FGF14: variants seen among roughly 807,000 people sequenced by gnomAD.
FGF14 encodes the protein fibroblast growth factor 14.
In FGF14, 5 loss-of-function variants were observed where a neutral mutation model predicts 25.5. That is an observed-to-expected ratio of 0.20 (90% CI 0.10 to 0.41). The LOEUF (loss-of-function observed/expected upper bound fraction) is 0.41, where lower values mean the gene tolerates loss of function less well. Among genes scored for constraint, FGF14 ranks in the 10% least tolerant of loss-of-function variants. The pLI, the probability that FGF14 is intolerant of heterozygous loss-of-function variation, is 1.00. For synonymous variants in FGF14, 138 were observed against 118.3 expected (o/e 1.17, Z -1.08); for missense variants, 222 against 320.1 (o/e 0.69, Z 2.34).
rs187611246 is a variant in FGF14, at chr13:102,004,915, G to C, written c.209-129619C>G. On this transcript the variant is annotated intron_variant, in intron 1 of 4. Transcript: ENST00000376131. Reference sequence around the variant, plus strand: ...GCGTCCCCTTCTGATATGACTGTAAGTTTCCTGAGGCCTCCCCAGTCCTGT... The same window carrying C: ...GCGTCCCCTTCTGATATGACTGTAACTTTCCTGAGGCCTCCCCAGTCCTGT... Among the ~76,000 whole-genome samples the C allele has an allele frequency of 8.5e-5, 13 of 152,230 alleles. No individual in the cohort carries two copies. The East Asian group carries it at 2.5e-3, about 29-fold the overall frequency.
intron 1 of FGF14, among the ~76,000 whole-genome samples, chr13:102,111,187 T>TC (rs1258500601): frequency 6.6e-6 from 1 of 152,078 alleles, no homozygotes; most frequent in Non-Finnish European, 1.5e-5. Context: ...TCACCACCTC[T>TC]CATCTATACA....
At chr13:102,259,480 C>G (rs2052611380) in intron 1 of FGF14, among the ~76,000 whole-genome samples, 1 of 152,176 alleles carries the variant, frequency 6.6e-6, no homozygotes, top group South Asian at 2.1e-4. Context: ...TCTCCAGTCC[C>G]TGTTAGGAGA....
At chr13:101,746,238 C>T (rs1451636690) in intron 3 of FGF14, among the ~76,000 whole-genome samples, 1 of 151,892 alleles carries the variant, frequency 6.6e-6, no homozygotes, top group Non-Finnish European at 1.5e-5. Context: ...CACTAATTCA[C>T]AACTATTCAG....
At chr13:102,236,922 C>A (rs1594528328) in intron 1 of FGF14, among the ~76,000 whole-genome samples, 1 of 152,176 alleles carries the variant, frequency 6.6e-6, no homozygotes, top group Middle Eastern at 3.4e-3. Flanking sequence ...GGCCTCCCAG[C>A]AGGAGGGGAC....
At chr13:102,079,185 C>T (rs542056557) in intron 1 of FGF14, among the ~76,000 whole-genome samples, 48 of 152,154 alleles carry the variant, frequency 3.2e-4, no homozygotes, top group Admixed American at 2.4e-3. Context: ...CACACAGGAT[C>T]TCTGCCACTG....
At chr13:102,306,225 A>G (rs1445775003) in intron 1 of FGF14, among the ~76,000 whole-genome samples, 1 of 152,188 alleles carries the variant, frequency 6.6e-6, no homozygotes, top group Non-Finnish European at 1.5e-5. Context: ...TCTAATCAGT[A>G]CACTGGAATA....
chr13:101,990,660 T>C lies in FGF14; in HGVS notation c.209-115364A>G, dbSNP rs2038851870. Among the ~76,000 whole-genome samples the C allele has an allele frequency of 2.0e-5, 3 of 152,096 alleles. No individual in the cohort carries two copies. The South Asian group carries it at 6.2e-4, about 32-fold the overall frequency. The stretch of plus-strand genomic sequence containing the variant: ...CTTTGGGGTGGCTCATGCACAGGCC[T>C]GGGCAGCAGGCTCTCTATGCACAGG... On this transcript the variant is annotated intron_variant, in intron 1 of 4. Coordinates refer to the FGF14 transcript ENST00000376131.
intron 1 of FGF14, among the ~76,000 whole-genome samples, chr13:102,136,959 T>C (rs76269028): frequency 0.013 from 2,055 of 152,290 alleles, 82 homozygotes; most frequent in East Asian, 0.12. Context: ...TTAGATTACT[T>C]AGTCGAACAA....
At chr13:101,938,559 T>G (rs2035249438) in intron 1 of FGF14, among the ~76,000 whole-genome samples, 1 of 152,164 alleles carries the variant, frequency 6.6e-6, no homozygotes, top group South Asian at 2.1e-4. Flanking sequence ...ATTGAGAAAA[T>G]TTTGTTTGTA....
chr13:102,079,888 AAC>A (rs1323715417), intron 1 of FGF14, among the ~76,000 whole-genome samples: 2 of 152,164 alleles, frequency 1.3e-5, no homozygotes, highest in African/African-American at 4.8e-5. Flanking sequence ...TAAAAGAGGA[AAC>A]ACAGATATCT....
chr13:102,192,730 A>C (rs2049177679), intron 1 of FGF14, among the ~76,000 whole-genome samples: 2 of 152,176 alleles, frequency 1.3e-5, no homozygotes, highest in Non-Finnish European at 1.5e-5. Context: ...TGGTTAATCC[A>C]AGTGCTATGT....
At chr13:102,130,679 A>C (rs1186477884) in intron 1 of FGF14, among the ~76,000 whole-genome samples, 1 of 152,190 alleles carries the variant, frequency 6.6e-6, no homozygotes, top group East Asian at 1.9e-4. Context: ...AAGAAAAATA[A>C]AGTAAAAAGA....
chr13:102,222,547 T>A lies in FGF14; in HGVS notation c.208+178924A>T, dbSNP rs944375930. On this transcript the variant is annotated intron_variant, in intron 1 of 4. Coordinates refer to the FGF14 transcript ENST00000376131. ...GTCCTAGTTATTACAGAGAAGGGCA[T>A]CCCTAGCTGTTAAAGAATTCTCTTT... 7.2e-5 allele frequency among the ~76,000 whole-genome samples: 11 copies of A among 152,326 alleles called. No homozygotes were observed. The East Asian group carries it at 2.1e-3, about 29-fold the overall frequency.
intron 1 of FGF14, among the ~76,000 whole-genome samples, chr13:102,131,684 C>T (rs1171496677): frequency 1.3e-5 from 2 of 152,160 alleles, no homozygotes; most frequent in Admixed American, 6.5e-5. Context: ...GTATTTAATG[C>T]CACGGAGATT....
At chr13:101,967,559 G>C (rs2139509317) in intron 1 of FGF14, 1 of 152,470 alleles carries the variant, frequency 6.6e-6, no homozygotes, top group African/African-American at 2.4e-5. Flanking sequence ...TGCAAACACT[G>C]GAAGGCATAA....
intron 1 of FGF14, among the ~76,000 whole-genome samples, chr13:101,968,851 A>G (rs1004086811): frequency 3.3e-5 from 4 of 122,804 alleles, no homozygotes; most frequent in African/African-American, 1.1e-4. Flanking sequence ...TTCCATCAAC[A>G]GCCTTTTTTT....
At chr13:102,083,951 A>G (rs1164453971) in intron 1 of FGF14, among the ~76,000 whole-genome samples, 1 of 152,176 alleles carries the variant, frequency 6.6e-6, no homozygotes, top group Non-Finnish European at 1.5e-5. Context: ...AAATCTCTAT[A>G]TCCTTGAAGG....
At chr13:102,108,120 T>C (rs529791410) in intron 1 of FGF14, among the ~76,000 whole-genome samples, 2 of 152,368 alleles carry the variant, frequency 1.3e-5, no homozygotes, top group East Asian at 3.9e-4. Flanking sequence ...TAAATATGAT[T>C]ACATAGTTTA....
At chr13:102,224,522 T>C (rs1213092051) in intron 1 of FGF14, among the ~76,000 whole-genome samples, 1 of 152,032 alleles carries the variant, frequency 6.6e-6, no homozygotes, top group African/African-American at 2.4e-5. Context: ...CAAGTTGTCC[T>C]AGGACAAAAA....
Sources: gnomAD v4.1 joint callset for allele counts (sites outside exome capture counted in the v4.1 genomes callset) on GRCh38, gnomAD v4.1.1 for gene constraint, MANE v1.5 for transcripts, NCBI Gene and HGNC (gene_info 2026-07-23, HGNC 2026-07-21) for gene names.